The following TDRD12 variants were observed in gnomAD, a reference collection of about 807,000 sequenced individuals.
TDRD12 encodes the protein putative ATP-dependent RNA helicase TDRD12.
TDRD12 carries 158 observed loss-of-function variants against 133.5 expected under a neutral mutation model. That is an observed-to-expected ratio of 1.18 (90% CI 1.04 to 1.35). The LOEUF is 1.35. Among genes scored for constraint, TDRD12 ranks in the 40% most tolerant of loss-of-function variants. TDRD12 has a pLI of 0.00. For missense variants in TDRD12, 1,443 were observed against 1,321.3 expected, an observed-to-expected ratio of 1.09 and a Z score of -1.43; for synonymous variants, 460 against 477.9, an observed-to-expected ratio of 0.96 and a Z score of 0.49.
At chr19:32,820,707 CA>C (rs1967350731) in intron 27 of TDRD12, among the ~76,000 whole-genome samples, 1 of 152,084 alleles carries the variant, frequency 6.6e-6, no homozygotes, top group Non-Finnish European at 1.5e-5. Flanking sequence ...GAGACTGGGT[CA>C]GGGGAAGCAG....
chr19:32,813,805 A>G, intron 25 of TDRD12, 29 bp downstream of exon 25: 1 of 1,311,996 alleles, frequency 7.6e-7, no homozygotes, highest in Non-Finnish European at 1.1e-6. Context: ...TTAGAAATAA[A>G]TTTGTTTGAA....
intron 4 of TDRD12, among the ~76,000 whole-genome samples, chr19:32,744,499 CAAAAAAAAA>C (rs10644749): frequency 7.9e-5 from 3 of 38,098 alleles, no homozygotes; most frequent in South Asian, 9.9e-4. Flanking sequence ...GACTCCGTCT[CAAAAAAAAA>C]AAAAAAAAAA....
At chr19:32,781,488 G>A (rs1460927455) in intron 11 of TDRD12, among the ~76,000 whole-genome samples, 1 of 152,016 alleles carries the variant, frequency 6.6e-6, no homozygotes, top group African/African-American at 2.4e-5. Flanking sequence ...TTGGTGGAGA[G>A]CATCCTTTAG....
At chr19:32,780,089 T>C (rs565802062) in intron 11 of TDRD12, among the ~76,000 whole-genome samples, 23 of 149,046 alleles carry the variant, frequency 1.5e-4, no homozygotes, top group South Asian at 8.6e-4. Flanking sequence ...CTTTTCTTTT[T>C]TTTTTTTTTT....
intron 13 of TDRD12, 90 bp from the exon 14 acceptor site, chr19:32,794,538 A>G (rs1490683028): frequency 4.7e-6 from 3 of 638,690 alleles, no homozygotes; most frequent in South Asian, 3.6e-5. Context: ...GGCAATGTGT[A>G]GTGCTTTTTG....
intron 6 of TDRD12, among the ~76,000 whole-genome samples, chr19:32,754,669 C>CTTTTTTTTTTTTTTTTTTTTTTTTTT (rs35714049): frequency 4.3e-5 from 3 of 70,072 alleles, no homozygotes; most frequent in Non-Finnish European, 5.0e-5. Flanking sequence ...ATGACTCTAT[C>CTTTTTTTTTTTTTTTTTTTTTTTTTT]TTTTTTTTTT....
At chr19:32,739,436 C>G (rs985041454) in intron 3 of TDRD12, among the ~76,000 whole-genome samples, 2 of 144,984 alleles carry the variant, frequency 1.4e-5, no homozygotes, top group Admixed American at 1.4e-4. Flanking sequence ...TGGCTACTTT[C>G]TGCATCTCCT....
At chr19:32,734,728 T>C (rs138129119) in intron 2 of TDRD12, among the ~76,000 whole-genome samples, 293 of 152,250 alleles carry the variant, frequency 1.9e-3, no homozygotes, top group African/African-American at 6.7e-3. Context: ...GCAGTAACTA[T>C]GTTTTTTTAC....
At chr19:32,775,407 T>G (rs1239500378) in intron 10 of TDRD12, among the ~76,000 whole-genome samples, 1 of 152,238 alleles carries the variant, frequency 6.6e-6, no homozygotes, top group Non-Finnish European at 1.5e-5. Context: ...CATAACTCAC[T>G]ATAGCCTTAA....
chr19:32,800,669 A>C, exon 18 of TDRD12: 1 of 1,535,536 alleles, frequency 6.5e-7, no homozygotes, highest in Non-Finnish European at 8.7e-7. Flanking sequence ...CTAGAATGTG[A>C]AAAAACTTCT....
chr19:32,826,191 G>A (rs3746020), downstream of TDRD12: 1,460 of 1,531,314 alleles, frequency 9.5e-4, 9 homozygotes, highest in Admixed American at 0.013. Context: ...AGGAGTCGGC[G>A]TCCCTTACCC....
exon 18 of TDRD12, chr19:32,800,658 C>T (rs548565628): frequency 1.8e-5 from 28 of 1,534,910 alleles, no homozygotes; most frequent in Non-Finnish European, 2.4e-5. Context: ...TACATCTTTG[C>T]CTAGAATGTG....
intron 4 of TDRD12, among the ~76,000 whole-genome samples, chr19:32,743,365 T>TC (rs1969491688): frequency 2.4e-5 from 1 of 42,362 alleles, no homozygotes; most frequent in Non-Finnish European, 5.0e-5. Flanking sequence ...TCCCCTCCCC[T>TC]CCCCCACTCC....
intron 4 of TDRD12, among the ~76,000 whole-genome samples, chr19:32,745,715 C>T (rs1323195237): frequency 1.4e-5 from 1 of 71,268 alleles, no homozygotes; most frequent in Non-Finnish European, 2.8e-5. Flanking sequence ...CTGTGTGTGA[C>T]AGAGAGTGGG....
At chr19:32,819,694 TCAGA>T (rs1399994221) in intron 27 of TDRD12, among the ~76,000 whole-genome samples, 1 of 152,048 alleles carries the variant, frequency 6.6e-6, no homozygotes, top group Non-Finnish European at 1.5e-5. Flanking sequence ...AGACCCCATA[TCAGA>T]CAGCTCCTGG....
intron 14 of TDRD12, 115 bp downstream of exon 14, chr19:32,794,928 A>C (rs1971180832): frequency 1.6e-6 from 1 of 618,274 alleles, no homozygotes; most frequent in South Asian, 1.9e-5. Flanking sequence ...TCAAACTTCC[A>C]GGCCAGAAAC....
At chr19:32,817,475 T>C (rs1488023067) in intron 26 of TDRD12, among the ~76,000 whole-genome samples, 4 of 152,140 alleles carry the variant, frequency 2.6e-5, no homozygotes, top group Non-Finnish European at 5.9e-5. Flanking sequence ...CTCCATGGCA[T>C]GGATCACCAC....
intron 11 of TDRD12, among the ~76,000 whole-genome samples, chr19:32,778,818 T>G (rs545299475): frequency 6.4e-4 from 97 of 152,332 alleles, no homozygotes; most frequent in African/African-American, 2.2e-3. Flanking sequence ...AACATTCTAT[T>G]CCCTTTTATT....
chr19:32,745,408 G>A (rs936236067), intron 4 of TDRD12, among the ~76,000 whole-genome samples: 1 of 152,162 alleles, frequency 6.6e-6, no homozygotes, highest in Non-Finnish European at 1.5e-5. Context: ...TTTAACGTGT[G>A]TATTACAGTT....
Sources: allele counts gnomAD v4.1 joint callset (sites outside exome capture counted in the v4.1 genomes callset), GRCh38; gene constraint gnomAD v4.1.1; transcripts MANE v1.5; gene names NCBI Gene and HGNC (gene_info 2026-07-23, HGNC 2026-07-21).